Variants in RTEL1 observed in about 807,000 individuals in gnomAD.
RTEL1 encodes regulator of telomere length.
RTEL1 carries 86 observed loss-of-function variants against 162.2 expected under a neutral mutation model. The ratio of observed to expected loss-of-function variants is 0.53; its 90% CI spans 0.45 to 0.63. RTEL1 has a LOEUF of 0.63. Among genes scored for constraint, RTEL1 ranks in the 30% least tolerant of loss-of-function variants. The pLI is 0.00. For missense variants in RTEL1, 1,941 were observed against 1,750.2 expected, an observed-to-expected ratio of 1.11 and a Z score of -1.95; for synonymous variants, 958 against 717.9, an observed-to-expected ratio of 1.33 and a Z score of -5.35.
chr20:63,674,158 A>C, intron 10 of RTEL1, 65 bp downstream of exon 10: 1 of 1,536,886 alleles, frequency 6.5e-7, no homozygotes, highest in South Asian at 1.2e-5. Flanking sequence ...CCCCACCCGG[A>C]GTTCAGCACG....
At chr20:63,686,082 C>T (rs929153836) in intron 16 of RTEL1, 24 of 604,060 alleles carry the variant, frequency 4.0e-5, no homozygotes, top group Non-Finnish European at 3.8e-5. Context: ...CTGATGGCAC[C>T]GTGACCTGCC....
intron 10 of RTEL1, among the ~76,000 whole-genome samples, chr20:63,674,855 C>T (rs2777938): frequency 0.44 from 67,330 of 151,876 alleles, 15,460 homozygotes; most frequent in Non-Finnish European, 0.49. Flanking sequence ...TCACGGCATA[C>T]GTGGAAAACG....
At chr20:63,690,503 G>GGGGGGGGGGGGGGGGGGGGGGGGGC in intron 26 of RTEL1, 62 bp downstream of exon 26, 12 of 1,028,384 alleles carry the variant, frequency 1.2e-5, no homozygotes, top group East Asian at 5.2e-5. Flanking sequence ...CGTGGGGCGG[G>GGGGGGGGGGGGGGGGGGGGGGGGGC]CAGCACCAGG....
rs1418415692 is a variant in RTEL1 at position 63,692,837 on chromosome 20, G to A, written c.2685G>A (p.Arg895=). 4 of 1,612,452 alleles carry A rather than the reference G, an allele frequency of 2.5e-6. No homozygotes were observed. Among genetic ancestry groups the A allele is most frequent in the Middle Eastern group, 1.7e-4 (1 of 6,044 alleles). Residue 895 remains arginine, a synonymous_variant, in exon 29 of 35, where the codon AGG becomes AGA. Transcript: ENST00000360203. The part of the protein sequence containing the change: ...EEPVAGAQTD[R]AKLFMVAVKQ... Reference sequence around the variant, plus strand: ...CCGTGGCTGGTGCACAGACGGACAGGGCCAAGCTCTTCATGGTGGCCGTGA... The same window carrying A: ...CCGTGGCTGGTGCACAGACGGACAGAGCCAAGCTCTTCATGGTGGCCGTGA...
At chr20:63,659,112 A>G (rs922034665) in intron 1 of RTEL1, 121 bp from the exon 2 acceptor site, 2 of 370,048 alleles carry the variant, frequency 5.4e-6, no homozygotes, top group East Asian at 4.4e-5. Context: ...GCTCCTCGAG[A>G]TGGGATATAC....
At chr20:63,679,166 G>A (rs1350309244) in intron 12 of RTEL1, among the ~76,000 whole-genome samples, 1 of 152,182 alleles carries the variant, frequency 6.6e-6, no homozygotes, top group African/African-American at 2.4e-5. Context: ...TGTCTGTCCT[G>A]CAGGCAGATG....
intron 22 of RTEL1, among the ~76,000 whole-genome samples, 166 bp from the exon 23 acceptor site, chr20:63,689,336 G>A (rs914140367): frequency 6.6e-6 from 1 of 152,200 alleles, no homozygotes; most frequent in Admixed American, 6.5e-5. Context: ...AGAGTTGGAG[G>A]TGGCGTCTGG....
intron 2 of RTEL1, among the ~76,000 whole-genome samples, chr20:63,660,126 C>G (rs944971711): frequency 1.3e-5 from 2 of 152,200 alleles, no homozygotes; most frequent in Admixed American, 6.5e-5. Context: ...TCTCCTATCT[C>G]AGAATTGAAC....
At chr20:63,685,906 C>T (rs760601078) in intron 16 of RTEL1, 34 bp downstream of exon 16, 2 of 1,591,076 alleles carry the variant, frequency 1.3e-6, no homozygotes, top group African/African-American at 2.7e-5. Context: ...CCCCGCCCGC[C>T]CGGGTGCAGT....
chr20:63,662,998 T>C, intron 6 of RTEL1, 109 bp downstream of exon 6: 1 of 1,050,874 alleles, frequency 9.5e-7, no homozygotes, highest in Non-Finnish European at 1.5e-6. Context: ...GGGCGGCCAG[T>C]GCGGCCATGT....
Position 63,694,760 on chromosome 20 carries a change from A to G in RTEL1, c.3129A>G (p.Pro1043=), listed in dbSNP as rs199578945. The G allele has an allele frequency of 4.5e-4, 725 of 1,606,418 alleles. 3 individuals are homozygous for G. The highest frequency in any genetic ancestry group is 5.5e-4 in the Non-Finnish European group (652 of 1,176,188). The change falls in exon 32 of 35, where the codon CCA becomes CCG. Residue 1043 remains proline, a synonymous_variant. Coordinates refer to ENST00000360203, the MANE Select transcript of RTEL1 (RefSeq NM_001283009.2). ...CACCAGGAGACCCTGGCAGCCAACC[A>G]CAGTGGGGGTCTGGAGTGCCCAGAG... ...PPPTGDPGSQ[P]QWGSGVPRAG... is the part of the protein sequence containing the mutation.
At position 63,695,910 on chromosome 20, in the gene RTEL1, C is replaced by G. The variant is rs2090969127; in HGVS notation, c.*52C>G. On this transcript the variant is annotated 3_prime_UTR_variant, in exon 35 of 35. Transcript: ENST00000360203. ...CAACGTGGCTTGATCACCTGCCTGTCCAGCTCTGGTGGGCCAAGAACCCAC... is the reference window on the plus strand; with the variant it reads ...CAACGTGGCTTGATCACCTGCCTGTGCAGCTCTGGTGGGCCAAGAACCCAC... The G allele has an allele frequency of 6.6e-7, 1 of 1,516,918 alleles. No homozygotes were observed. The highest frequency in any genetic ancestry group is 8.9e-7 in the Non-Finnish European group (1 of 1,121,404). The allele number at this position is 1,516,918 out of a possible 1,614,324, so 94.0% of individuals were successfully genotyped here.
intron 28 of RTEL1, chr20:63,692,248 C>G: frequency 4.5e-6 from 1 of 220,428 alleles, no homozygotes; most frequent in South Asian, 6.8e-5. Context: ...GTCCATGTCC[C>G]TTGGCTTCTG....
At chr20:63,663,017 C>T in intron 6 of RTEL1, 128 bp downstream of exon 6, 1 of 882,024 alleles carries the variant, frequency 1.1e-6, no homozygotes, top group Admixed American at 1.8e-5. Context: ...GTACCTGGGC[C>T]CTGTCTTCTG....
rs1329517297 is a variant in RTEL1 at position 63,662,553 on chromosome 20, G to C, written c.403G>C (p.Val135Leu). The part of the protein sequence containing the change: ...ELRNTSYRPK[V>L]CVLGSREQLC... Reference sequence around the variant, plus strand: ...GGTGCTCTCTCCCACCAGGCCTAAGGTGTGTGTGCTGGGCTCCCGGGAGCA... The same window carrying C: ...GGTGCTCTCTCCCACCAGGCCTAAGCTGTGTGTGCTGGGCTCCCGGGAGCA... The change falls in exon 5 of 35, where the codon GTG (valine) becomes CTG (leucine). Residue 135 changes from valine to leucine, a missense_variant. Transcript: ENST00000360203. 1 of 1,614,078 alleles carries C rather than the reference G, an allele frequency of 6.2e-7. No homozygotes were observed. The highest frequency in any genetic ancestry group is 2.2e-5 in the East Asian group (1 of 44,884).
At chr20:63,663,411 G>A (rs2090060038) in intron 6 of RTEL1, among the ~76,000 whole-genome samples, 1 of 152,212 alleles carries the variant, frequency 6.6e-6, no homozygotes, top group South Asian at 2.1e-4. Context: ...GAGTCCTGTG[G>A]GTCCAACACG....
At chr20:63,686,420 C>T (rs1232447143) in intron 16 of RTEL1, 1 of 158,876 alleles carries the variant, frequency 6.3e-6, no homozygotes, top group African/African-American at 2.4e-5. Flanking sequence ...GGCTCCGTGT[C>T]CGGAGCCCTG....
In RTEL1 at chr20:63,661,125, A is replaced by T. The variant is rs1333989211; in HGVS notation, c.103-173A>T. On this transcript the variant is annotated intron_variant, in intron 2 of 34. Coordinates refer to ENST00000360203, the MANE Select transcript of RTEL1 (RefSeq NM_001283009.2). This position sits in a 1 kb window ranked among gnomAD's most constrained non-coding sequence, Gnocchi z 5.1. ...GTTGCTTCACGCCCTTTAGGGCAAG[A>T]GTGGGACTTGCCTGTGGACTTCTCC... Among the ~76,000 whole-genome samples the T allele has an allele frequency of 2.0e-5, 3 of 152,222 alleles. No individual in the cohort carries two copies. The highest frequency in any genetic ancestry group is 2.9e-5 in the Non-Finnish European group (2 of 68,048).
chr20:63,693,078 C>T, intron 29 of RTEL1, 65 bp from the exon 30 acceptor site: 1 of 1,610,636 alleles, frequency 6.2e-7, no homozygotes, highest in South Asian at 1.1e-5. Flanking sequence ...CCATCTGGGT[C>T]CAAGGTGGTC....
Sources: allele counts gnomAD v4.1 joint callset (sites outside exome capture counted in the v4.1 genomes callset), GRCh38; gene constraint gnomAD v4.1.1; non-coding constraint Gnocchi (gnomAD v3.1); transcripts MANE v1.5; gene names NCBI Gene and HGNC (gene_info 2026-07-23, HGNC 2026-07-21).